Variants in MCF2L2 observed in about 807,000 individuals in gnomAD.
The protein encoded by MCF2L2 is MCF.2 cell line derived transforming sequence-like 2.
MCF2L2 carries 102 observed loss-of-function variants against 150.2 expected under a neutral mutation model. That is an observed-to-expected ratio of 0.68 (90% CI 0.58 to 0.80). MCF2L2 has a LOEUF of 0.80. MCF2L2 is among the 30% of genes least tolerant of loss of function. MCF2L2 has a pLI of 0.00. For synonymous variants in MCF2L2, 465 were observed against 491.3 expected, an observed-to-expected ratio of 0.95 and a Z score of 0.71; for missense variants, 1,256 against 1,372.8, an observed-to-expected ratio of 0.91 and a Z score of 1.34.
Position 183,304,221 on chromosome 3 carries a change from G to A in MCF2L2, c.1114-4025C>T, listed in dbSNP as rs547971097. Among the ~76,000 whole-genome samples, 11 of 152,274 alleles carry A rather than the reference G, an allele frequency of 7.2e-5. No individual in the cohort carries two copies. In the East Asian group the frequency reaches 2.1e-3, roughly 29 times the overall value. ...CTGCGCTATGCCACAGACACCTATG[G>A]TCCAGAACCAGCTCTTATTCAACTG... On this transcript the variant is annotated intron_variant, in intron 10 of 29. Coordinates refer to ENST00000328913, the MANE Select transcript of MCF2L2 (RefSeq NM_015078.4).
chr3:183,219,175 T>C (rs979701661), intron 21 of MCF2L2, among the ~76,000 whole-genome samples: 1 of 152,202 alleles, frequency 6.6e-6, no homozygotes, highest in African/African-American at 2.4e-5. Flanking sequence ...GCATAACATA[T>C]AGAAATTAGA....
chr3:183,240,450 C>A (rs766012227), intron 15 of MCF2L2, among the ~76,000 whole-genome samples: 1 of 152,194 alleles, frequency 6.6e-6, no homozygotes, highest in African/African-American at 2.4e-5. Flanking sequence ...AACTCCTGAC[C>A]TCAGGTGATC....
chr3:183,272,838 A>C, intron 15 of MCF2L2: 1 of 1,240,012 alleles, frequency 8.1e-7, no homozygotes, highest in Non-Finnish European at 1.0e-6. Context: ...TTGAAAACAT[A>C]AGTGTCTCTG....
chr3:183,317,970 C>T (rs189255894), intron 7 of MCF2L2, 98 bp downstream of exon 7: 92 of 1,433,246 alleles, frequency 6.4e-5, no homozygotes, highest in Non-Finnish European at 8.2e-5. Context: ...AGAAGGAAAA[C>T]GAGGGCTTAA....
At position 183,413,568 on chromosome 3, in the gene MCF2L2, G is replaced by A. The variant is rs540705102; in HGVS notation, c.76+14334C>T. Among the ~76,000 whole-genome samples the A allele has an allele frequency of 7.2e-5, 11 of 152,196 alleles. No individual in the cohort carries two copies. The South Asian group carries it at 2.3e-3, about 32-fold the overall frequency. ...TGCAGTTAACATGTCTGCTCACCTC[G>A]CATAACAAAGCTGGCAAAAATATCT... On this transcript the variant is annotated intron_variant, in intron 1 of 29. Transcript: ENST00000328913.
At chr3:183,403,931 A>C (rs1714905712) in intron 1 of MCF2L2, among the ~76,000 whole-genome samples, 1 of 152,162 alleles carries the variant, frequency 6.6e-6, no homozygotes, top group Non-Finnish European at 1.5e-5. Flanking sequence ...AGGAAAAGGG[A>C]AAGAAGAAAA....
intron 15 of MCF2L2, among the ~76,000 whole-genome samples, chr3:183,262,839 A>T (rs1725745305): frequency 6.6e-6 from 1 of 152,100 alleles, no homozygotes; most frequent in African/African-American, 2.4e-5. Flanking sequence ...TCAAAGCTAG[A>T]TAGTGCCATT....
chr3:183,351,190 G>GTATATATATA lies in MCF2L2; in HGVS notation c.276-9570_276-9561dup, dbSNP rs60311053. Among the ~76,000 whole-genome samples the GTATATATATA allele has an allele frequency of 1.4e-3, 56 of 38,820 alleles. 1 individual carries two copies. Among genetic ancestry groups the GTATATATATA allele is most frequent in the Admixed American group, 2.9e-3 (8 of 2,750 alleles). The allele number at this position is 38,820 out of a possible 152,430, so 25.5% of individuals were successfully genotyped here. On this transcript the variant is annotated intron_variant, in intron 3 of 29. Transcript: ENST00000328913. ...GTGTGTGTGATATTTATTTTCTTAA[G>GTATATATATA]TATATATATATATATATATATATAT...
chr3:183,212,449 C>G (rs549585724), intron 22 of MCF2L2, among the ~76,000 whole-genome samples: 1 of 152,274 alleles, frequency 6.6e-6, no homozygotes, highest in South Asian at 2.1e-4. Context: ...GTTAGATGGC[C>G]TCCTCTGTAC....
chr3:183,321,766 TA>T (rs1729823708), intron 6 of MCF2L2, among the ~76,000 whole-genome samples: 1 of 152,244 alleles, frequency 6.6e-6, no homozygotes, highest in Non-Finnish European at 1.5e-5. Context: ...TAAAGTTCAC[TA>T]GAAAATGTTC....
At chr3:183,377,207 A>C (rs926718380) in intron 3 of MCF2L2, 2 of 151,968 alleles carry the variant, frequency 1.3e-5, no homozygotes, top group African/African-American at 4.8e-5. Context: ...CCGACCCTCC[A>C]ACAAGCCCCG....
intron 1 of MCF2L2, among the ~76,000 whole-genome samples, chr3:183,401,299 G>C (rs1447512442): frequency 6.6e-6 from 1 of 152,142 alleles, no homozygotes; most frequent in Non-Finnish European, 1.5e-5. Context: ...AGCACAATGT[G>C]AAATAGCCAA....
chr3:183,323,637 TA>T (rs373398946), intron 5 of MCF2L2, among the ~76,000 whole-genome samples: 22 of 143,518 alleles, frequency 1.5e-4, no homozygotes, highest in Middle Eastern at 3.5e-3. Context: ...AGAAAAAAAA[TA>T]AAAAAAAAAA....
intron 14 of MCF2L2, among the ~76,000 whole-genome samples, chr3:183,287,244 T>C (rs1276606549): frequency 2.0e-5 from 3 of 152,212 alleles, no homozygotes; most frequent in African/African-American, 7.2e-5. Flanking sequence ...TTCCTTTATA[T>C]GAGAACTTCC....
At chr3:183,331,897 AT>A (rs1173621817) in intron 5 of MCF2L2, among the ~76,000 whole-genome samples, 1 of 152,164 alleles carries the variant, frequency 6.6e-6, no homozygotes, top group African/African-American at 2.4e-5. Flanking sequence ...CATTTACTAC[AT>A]GAAAGTACTT....
At chr3:183,279,283 C>G (rs915751630) in intron 14 of MCF2L2, among the ~76,000 whole-genome samples, 2 of 151,392 alleles carry the variant, frequency 1.3e-5, no homozygotes, top group African/African-American at 4.9e-5. Context: ...TGAATTGTAG[C>G]CAAAGTACTT....
intron 3 of MCF2L2, chr3:183,374,633 A>G (rs995011081): frequency 6.8e-6 from 1 of 147,980 alleles, no homozygotes; most frequent in Non-Finnish European, 1.5e-5. Context: ...GCCCTGCCGC[A>G]CTCCAGTCTG....
At chr3:183,400,472 C>T (rs1465782943) in intron 1 of MCF2L2, 1 of 456,640 alleles carries the variant, frequency 2.2e-6, no homozygotes, top group South Asian at 1.5e-5. Context: ...GCTGCTCACA[C>T]TTCATGCACC....
At chr3:183,361,023 G>GAAA (rs1160069588) in intron 3 of MCF2L2, among the ~76,000 whole-genome samples, 3 of 103,126 alleles carry the variant, frequency 2.9e-5, no homozygotes, top group African/African-American at 9.5e-5. Flanking sequence ...GAAAAGAAAA[G>GAAA]AGAAAAGAAA....
Sources: gnomAD v4.1 joint callset for allele counts (sites outside exome capture counted in the v4.1 genomes callset) on GRCh38, gnomAD v4.1.1 for gene constraint, MANE v1.5 for transcripts, NCBI Gene and HGNC (gene_info 2026-07-23, HGNC 2026-07-21) for gene names.